LDB1: variants seen among roughly 807,000 people sequenced by gnomAD.
LDB1 encodes the protein LIM domain-binding protein 1.
Under a neutral mutation model 49.7 loss-of-function variants are expected in LDB1, and 6 were observed. That is an observed-to-expected ratio of 0.12 (90% confidence interval 0.07 to 0.24). The LOEUF (loss-of-function observed/expected upper bound fraction) is 0.24, where lower values mean the gene tolerates loss of function less well. LDB1 is among the 10% of genes least tolerant of loss of function. LDB1 has a pLI of 1.00. For synonymous variants in LDB1, 233 were observed against 202.0 expected (o/e 1.15, Z -1.30); for missense variants, 341 against 561.7 (o/e 0.61, Z 3.97).
chr10:102,104,734 A>G (rs1447971580), downstream of LDB1, among the ~76,000 whole-genome samples: 1 of 152,122 alleles, frequency 6.6e-6, no homozygotes, highest in Non-Finnish European at 1.5e-5. Context: ...TCCATACACA[A>G]ACATATACAT....
downstream of LDB1, among the ~76,000 whole-genome samples, chr10:102,104,041 G>A (rs974177295): frequency 4.4e-4 from 66 of 151,500 alleles, no homozygotes; most frequent in Admixed American, 2.9e-3. Context: ...CAGCCTGGGC[G>A]ACACAGCAAG....
chr10:102,109,942 G>A lies in LDB1; in HGVS notation c.627C>T (p.Pro209=). The A allele has an allele frequency of 1.2e-6, 2 of 1,610,458 alleles. No individual in the cohort carries two copies. Among genetic ancestry groups the A allele is most frequent in the Non-Finnish European group, 1.7e-6 (2 of 1,179,804 alleles). Residue 209 remains proline, a synonymous_variant, in exon 7 of 11, where the codon CCC becomes CCT. Transcript: ENST00000673968. The surrounding 1 kb of genome is among the most constrained non-coding windows in gnomAD (Gnocchi z 5.8). ...TCACATGCATGGCAAGGATGCTGCG[G>A]GGGATGAGCTCTCGGTGCTGCCGGA... The part of the protein sequence containing the change: ...FSIRQHRELI[P]RSILAMHAQD...
rs1400114977 is a variant in LDB1, at chr10:102,117,831, C to G, written c.25+2255G>C. ...CCAGCCCCAGAAGCTGGTCCTCACC[C>G]CAGGAGCAATATGGGTGTTGGGCAT... On this transcript the variant is annotated intron_variant, in intron 1 of 10. Coordinates refer to ENST00000673968, the MANE Select transcript of LDB1 (RefSeq NM_001113407.3). This position sits in a 1 kb window ranked among gnomAD's most constrained non-coding sequence, Gnocchi z 4.2. Among the ~76,000 whole-genome samples the G allele has an allele frequency of 6.6e-6, 1 of 152,216 alleles. No individual in the cohort carries two copies. Among genetic ancestry groups the G allele is most frequent in the African/African-American group, 2.4e-5 (1 of 41,454 alleles).
At position 102,119,923 on chromosome 10, in the gene LDB1, G is replaced by A. The variant is rs1300959060; in HGVS notation, c.25+163C>T. On this transcript the variant is annotated intron_variant, in intron 1 of 10. Transcript: ENST00000673968. ...GGCTGCTGCGCATTTACACAGTTGG[G>A]GAAAACGCTACCCGCCAGCCTGAGG... 3.3e-5 allele frequency among the ~76,000 whole-genome samples: 5 copies of A among 151,868 alleles called. No individual in the cohort carries two copies. The East Asian group carries it at 9.7e-4, about 29-fold the overall frequency.
chr10:102,112,614 G>A (rs541306596), intron 1 of LDB1, among the ~76,000 whole-genome samples: 157 of 112,430 alleles, frequency 1.4e-3, no homozygotes, highest in Middle Eastern at 6.8e-3. Flanking sequence ...CCGCCCCCAA[G>A]GGTAGACAGT....
upstream of LDB1, among the ~76,000 whole-genome samples, chr10:102,120,687 G>A (rs1033576847): frequency 1.1e-4 from 16 of 152,196 alleles, no homozygotes; most frequent in Middle Eastern, 3.2e-3. Context: ...AGGAGACGGA[G>A]GCAGAGACCC....
Position 102,111,251 on chromosome 10 carries a change from C to T in LDB1, c.173+5G>A. On this transcript the variant is annotated splice_donor_5th_base_variant and intron_variant, in intron 3 of 10. Transcript: ENST00000673968. ...GCACCTTCTTCCCCACTGGACTCCA[C>T]TTACCCAATCCCTGGCTCCAGGTAT... 1 of 1,614,182 alleles carries T rather than the reference C, an allele frequency of 6.2e-7. No homozygotes were observed. The highest frequency in any genetic ancestry group is 8.5e-7 in the Non-Finnish European group (1 of 1,180,020).
At chr10:102,114,812 G>GGGGGGCC in intron 1 of LDB1, 35 of 929,764 alleles carry the variant, frequency 3.8e-5, no homozygotes, top group South Asian at 9.9e-5. Flanking sequence ...CCTCCGAGCA[G>GGGGGGCC]CCCGCCCGCC....
At chr10:102,105,361 T>G (rs1037627738), downstream of LDB1, among the ~76,000 whole-genome samples, 7 of 152,148 alleles carry the variant, frequency 4.6e-5, no homozygotes, top group Admixed American at 6.5e-5. Context: ...AGATTGGAGA[T>G]TGGACAGGTC....
At chr10:102,113,190 C>T (rs1232898995) in intron 1 of LDB1, among the ~76,000 whole-genome samples, 1 of 152,198 alleles carries the variant, frequency 6.6e-6, no homozygotes, top group African/African-American at 2.4e-5. Flanking sequence ...GAGCCCTGTC[C>T]TCACAATGCA....
chr10:102,119,071 G>C (rs375545735), intron 1 of LDB1, among the ~76,000 whole-genome samples: 3 of 152,178 alleles, frequency 2.0e-5, no homozygotes, highest in Admixed American at 6.5e-5. Context: ...GGGGATTTGT[G>C]GGGGAGTGGT....
At chr10:102,112,412 A>G (rs1221371013) in intron 1 of LDB1, among the ~76,000 whole-genome samples, 1 of 152,166 alleles carries the variant, frequency 6.6e-6, no homozygotes, top group African/African-American at 2.4e-5. Flanking sequence ...ATTGCCCTCT[A>G]GAGACCAAAG....
Position 102,111,645 on chromosome 10 carries a change from T to C in LDB1, c.26-109A>G, listed in dbSNP as rs187275948. On this transcript the variant is annotated intron_variant, in intron 1 of 10. Transcript: ENST00000673968. Reference sequence around the variant, plus strand: ...TTGATTGAGCACAGGAGGTCGAGGCTGCAGGGACCAGCCTAGGCAACATAG... The same window carrying C: ...TTGATTGAGCACAGGAGGTCGAGGCCGCAGGGACCAGCCTAGGCAACATAG... 1,687 of 620,264 alleles carry C rather than the reference T, an allele frequency of 2.7e-3. 3 individuals are homozygous for C. Among genetic ancestry groups the C allele is most frequent in the Non-Finnish European group, 4.2e-3 (1,510 of 356,982 alleles). The allele number at this position is 620,264 out of a possible 1,614,324, so 38.4% of individuals were successfully genotyped here. A position where few individuals can be genotyped will look rare whatever the true frequency, so the allele number is the denominator to read the frequency against.
rs1158266588 is a variant in LDB1 at position 102,107,903 on chromosome 10, A to T, written c.*190T>A. 1.6e-6 allele frequency: 1 copy of T among 625,932 alleles called. No homozygotes were observed. The highest frequency in any genetic ancestry group is 2.8e-6 in the Non-Finnish European group (1 of 353,188). The allele number at this position is 625,932 out of a possible 1,614,324, so 38.8% of individuals were successfully genotyped here. A position where few individuals can be genotyped will look rare whatever the true frequency, so the allele number is the denominator to read the frequency against. On this transcript the variant is annotated 3_prime_UTR_variant, in exon 11 of 11. Coordinates refer to ENST00000673968, the MANE Select transcript of LDB1 (RefSeq NM_001113407.3). Reference sequence around the variant, plus strand: ...CCCCCTAAAAGGCTCTGTAGAGGCCAGGCCCAGCCCAGGGCCACTGGGGGG... The same window carrying T: ...CCCCCTAAAAGGCTCTGTAGAGGCCTGGCCCAGCCCAGGGCCACTGGGGGG...
chr10:102,110,969 C>G lies in LDB1; in HGVS notation c.252G>C (p.Glu84Asp). 24 of 1,613,882 alleles carry G rather than the reference C, an allele frequency of 1.5e-5. No individual in the cohort carries two copies. Among genetic ancestry groups the G allele is most frequent in the Non-Finnish European group, 2.0e-5 (24 of 1,179,788 alleles). ...ATGCATCCCACCAGAGATTGTCACA[C>G]TCCTAGGGAGCATGGTAACGGGTGT... The part of the protein sequence containing the change: ...LNKRLQNWTE[E>D]CDNLWWDAFT... Residue 84 changes from glutamate to aspartate, a missense_variant and splice_region_variant, in exon 5 of 11, where the codon GAG (glutamate) becomes GAC (aspartate). Around this residue, in one of 5 missense-constraint regions of LDB1, gnomAD observed 233 missense variants for 385.7 expected, o/e 0.60. Coordinates refer to ENST00000673968, the MANE Select transcript of LDB1 (RefSeq NM_001113407.3).
downstream of LDB1, among the ~76,000 whole-genome samples, chr10:102,104,805 T>C (rs769315597): frequency 6.6e-6 from 1 of 152,092 alleles, no homozygotes; most frequent in African/African-American, 2.4e-5. Context: ...AGCAGCCCCA[T>C]AACTCAACAC....
chr10:102,117,543 G>A lies in LDB1; in HGVS notation c.25+2543C>T, dbSNP rs1460374899. Among the ~76,000 whole-genome samples, 1 of 152,032 alleles carries A rather than the reference G, an allele frequency of 6.6e-6. No homozygotes were observed. The highest frequency in any genetic ancestry group is 1.5e-5 in the Non-Finnish European group (1 of 67,968). Reference sequence around the variant, plus strand: ...GAGGTACCAGCACTGCCCCCTGCCCGGGCCCCTGGGGCTCCCTGACCCAGG... The same window carrying A: ...GAGGTACCAGCACTGCCCCCTGCCCAGGCCCCTGGGGCTCCCTGACCCAGG... On this transcript the variant is annotated intron_variant, in intron 1 of 10. Coordinates refer to ENST00000673968, the MANE Select transcript of LDB1 (RefSeq NM_001113407.3). The surrounding 1 kb of genome is among the most constrained non-coding windows in gnomAD (Gnocchi z 4.2).
intron 1 of LDB1, among the ~76,000 whole-genome samples, chr10:102,112,363 T>C (rs1014920888): frequency 6.6e-6 from 1 of 152,188 alleles, no homozygotes; most frequent in Non-Finnish European, 1.5e-5. Context: ...GATCTTCTGA[T>C]TCCCACATCC....
At chr10:102,114,408 G>A in intron 1 of LDB1, 2 of 986,338 alleles carry the variant, frequency 2.0e-6, no homozygotes, top group South Asian at 9.4e-5. Context: ...AGACTTACCT[G>A]GGAGAACTGA....
Sources: gnomAD v4.1 joint callset for allele counts (sites outside exome capture counted in the v4.1 genomes callset) on GRCh38, gnomAD v4.1.1 for gene constraint, gnomAD v4.1.1 regional missense constraint, Gnocchi (gnomAD v3.1) non-coding constraint, MANE v1.5 for transcripts, NCBI Gene and HGNC (gene_info 2026-07-23, HGNC 2026-07-21) for gene names.